EYS: variants seen among roughly 807,000 people sequenced by gnomAD.
EYS encodes EGF-like photoreceptor maintenance factor.
Under a neutral mutation model 282.1 loss-of-function variants are expected in EYS, and 250 were observed. The ratio of observed to expected loss-of-function variants is 0.89; its 90% CI spans 0.80 to 0.98. The LOEUF (loss-of-function observed/expected upper bound fraction) is 0.98, where lower values mean the gene tolerates loss of function less well. EYS is among the 50% of genes least tolerant of loss of function. The pLI, the probability that EYS is intolerant of heterozygous loss-of-function variation, is 0.00. For missense variants in EYS, 4,016 were observed against 3,709.0 expected (o/e 1.08, Z -2.15); for synonymous variants, 1,355 against 1,282.9 (o/e 1.06, Z -1.20).
At chr6:64,444,919 A>G (rs953152582) in intron 26 of EYS, among the ~76,000 whole-genome samples, 4 of 152,246 alleles carry the variant, frequency 2.6e-5, no homozygotes, top group Middle Eastern at 3.4e-3. Flanking sequence ...CACCTCCACC[A>G]TGATTTCTGA....
intron 2 of EYS, among the ~76,000 whole-genome samples, chr6:65,566,217 T>G (rs1769275118): frequency 6.6e-6 from 1 of 152,042 alleles, no homozygotes; most frequent in African/African-American, 2.4e-5. Context: ...TGGTGGAGTT[T>G]GACCTTCCAC....
chr6:64,661,002 A>C (rs887855987), intron 22 of EYS, among the ~76,000 whole-genome samples: 1 of 152,236 alleles, frequency 6.6e-6, no homozygotes, highest in Non-Finnish European at 1.5e-5. Context: ...ACAAGGCTAC[A>C]GTAACCAAAA....
At chr6:64,186,765 C>T (rs1253238494) in intron 31 of EYS, among the ~76,000 whole-genome samples, 1 of 151,928 alleles carries the variant, frequency 6.6e-6, no homozygotes, top group Non-Finnish European at 1.5e-5. Flanking sequence ...ACTGAAGTGG[C>T]AAAAAGGACT....
intron 22 of EYS, among the ~76,000 whole-genome samples, chr6:64,808,729 A>G (rs904667858): frequency 7.9e-5 from 12 of 152,070 alleles, no homozygotes; most frequent in Non-Finnish European, 1.5e-4. Context: ...GAATCTACCT[A>G]TCTTTCAAAA....
At chr6:64,446,260 G>A (rs1318944541) in intron 26 of EYS, among the ~76,000 whole-genome samples, 2 of 152,048 alleles carry the variant, frequency 1.3e-5, no homozygotes, top group East Asian at 1.9e-4. Flanking sequence ...CCTTGCATGA[G>A]AATAACGAAA....
At chr6:63,882,284 A>G (rs1452814022) in intron 35 of EYS, among the ~76,000 whole-genome samples, 2 of 152,222 alleles carry the variant, frequency 1.3e-5, no homozygotes, top group Non-Finnish European at 2.9e-5. Flanking sequence ...AAAAGTTGTC[A>G]CTCAAGTCTC....
At chr6:64,788,578 A>G (rs6899352) in intron 22 of EYS, among the ~76,000 whole-genome samples, 2,472 of 152,260 alleles carry the variant, frequency 0.016, 76 homozygotes, top group African/African-American at 0.056. Context: ...GAGAGTATCC[A>G]GGGGTCTAAA....
chr6:64,724,194 CTAGTT>C (rs1771679789), intron 22 of EYS, among the ~76,000 whole-genome samples: 1 of 152,020 alleles, frequency 6.6e-6, no homozygotes, highest in Admixed American at 6.5e-5. Flanking sequence ...CGGTTATACA[CTAGTT>C]CTCTAACCCA....
intron 22 of EYS, among the ~76,000 whole-genome samples, chr6:64,683,640 T>C (rs1769980716): frequency 6.6e-6 from 1 of 152,172 alleles, no homozygotes; most frequent in Non-Finnish European, 1.5e-5. Flanking sequence ...CAGAAAATTG[T>C]ACTTAATGGC....
intron 30 of EYS, among the ~76,000 whole-genome samples, chr6:64,279,255 T>C (rs1412123712): frequency 6.6e-6 from 1 of 152,212 alleles, no homozygotes; most frequent in Admixed American, 6.6e-5. Context: ...CCTGCTGTTT[T>C]TACTCAGCAA....
intron 22 of EYS, among the ~76,000 whole-genome samples, chr6:64,645,428 A>C (rs1768315907): frequency 6.6e-6 from 1 of 152,238 alleles, no homozygotes; most frequent in Non-Finnish European, 1.5e-5. Flanking sequence ...TGGGAAATTC[A>C]CCAGAAGACC....
intron 22 of EYS, among the ~76,000 whole-genome samples, chr6:64,732,264 C>A (rs1315279581): frequency 6.7e-6 from 1 of 148,494 alleles, no homozygotes; most frequent in Non-Finnish European, 1.5e-5. Context: ...ACCTATGTAA[C>A]AAACCTGCAT....
chr6:65,236,085 TA>T (rs139227454), intron 12 of EYS, among the ~76,000 whole-genome samples: 4,105 of 152,166 alleles, frequency 0.027, 167 homozygotes, highest in African/African-American at 0.091. Context: ...TAATAAATAT[TA>T]TTAGTAGCAT....
Position 65,548,791 on chromosome 6 carries a change from C to A in EYS, c.-332-52798G>T, listed in dbSNP as rs552931744. On this transcript the variant is annotated intron_variant, in intron 2 of 42. Transcript: ENST00000503581. ...GCCCTGCTTCAGCATTCTCTGGATA[C>A]AAATACACAGACAATTCAACTCAAA... 4.6e-5 allele frequency among the ~76,000 whole-genome samples: 7 copies of A among 152,306 alleles called. No individual in the cohort carries two copies. In the South Asian group the frequency reaches 1.4e-3, roughly 32 times the overall value.
intron 12 of EYS, among the ~76,000 whole-genome samples, chr6:65,177,476 T>C (rs983011854): frequency 3.9e-5 from 6 of 151,906 alleles, no homozygotes; most frequent in African/African-American, 1.4e-4. Context: ...TCTTTTACTA[T>C]ATTTCAGGAT....
chr6:65,506,327 C>G (rs1766651081), intron 2 of EYS, among the ~76,000 whole-genome samples: 1 of 151,732 alleles, frequency 6.6e-6, no homozygotes, highest in Non-Finnish European at 1.5e-5. Context: ...TTCCATATTC[C>G]TCTTTCTATG....
intron 31 of EYS, among the ~76,000 whole-genome samples, chr6:64,114,238 ATT>A (rs1413714154): frequency 1.3e-5 from 2 of 152,060 alleles, no homozygotes; most frequent in Admixed American, 1.3e-4. Flanking sequence ...ATTCCCTGGT[ATT>A]TTTGTCTTCT....
intron 28 of EYS, among the ~76,000 whole-genome samples, chr6:64,396,261 G>A (rs1582699631): frequency 6.6e-6 from 1 of 152,124 alleles, no homozygotes; most frequent in Non-Finnish European, 1.5e-5. Flanking sequence ...GAATAGTGCT[G>A]CTATAGACAT....
intron 11 of EYS, chr6:65,302,777 A>G (rs1345566662): frequency 6.2e-7 from 1 of 1,613,738 alleles, no homozygotes; most frequent in East Asian, 2.2e-5. Flanking sequence ...CCATCACAAT[A>G]GAGGACGATA....
Sources: allele counts gnomAD v4.1 joint callset (sites outside exome capture counted in the v4.1 genomes callset), GRCh38; gene constraint gnomAD v4.1.1; transcripts MANE v1.5; gene names NCBI Gene and HGNC (gene_info 2026-07-23, HGNC 2026-07-21).